Variants in PARN observed in about 807,000 individuals in gnomAD.
The protein encoded by PARN is poly(A)-specific ribonuclease PARN.
A neutral mutation model predicts 102.8 loss-of-function variants in PARN; 71 were observed. The ratio of observed to expected loss-of-function variants is 0.69; its 90% CI spans 0.57 to 0.84. The LOEUF is 0.84. Among genes scored for constraint, PARN ranks in the 40% least tolerant of loss-of-function variants. The probability of loss-of-function intolerance (pLI) is 0.00; values close to 1 mark genes in which losing one functional copy is unlikely to be tolerated. For synonymous variants in PARN, 261 were observed against 252.9 expected (o/e 1.03, Z -0.30); for missense variants, 782 against 760.9 (o/e 1.03, Z -0.33).
At chr16:14,542,999 T>G (rs1750828922) in intron 21 of PARN, among the ~76,000 whole-genome samples, 1 of 152,156 alleles carries the variant, frequency 6.6e-6, no homozygotes, top group South Asian at 2.1e-4. Flanking sequence ...ACAGGACAAT[T>G]GCAAAGAAAG....
At chr16:14,539,083 C>G (rs1337784509) in intron 21 of PARN, among the ~76,000 whole-genome samples, 1 of 152,094 alleles carries the variant, frequency 6.6e-6, no homozygotes, top group Non-Finnish European at 1.5e-5. Flanking sequence ...GTAATAATAA[C>G]CGAAATAAAA....
intron 22 of PARN, among the ~76,000 whole-genome samples, chr16:14,479,535 T>C (rs538511830): frequency 2.0e-4 from 31 of 152,020 alleles, no homozygotes; most frequent in Admixed American, 9.8e-4. Flanking sequence ...CTAAAATTTA[T>C]ATAGAATGCA....
intron 10 of PARN, among the ~76,000 whole-genome samples, chr16:14,605,654 C>T (rs1349545313): frequency 6.6e-6 from 1 of 152,064 alleles, no homozygotes; most frequent in Admixed American, 6.6e-5. Context: ...TATTTTTCTA[C>T]TTTATTTAAT....
At chr16:14,528,191 G>C (rs918654389) in intron 21 of PARN, among the ~76,000 whole-genome samples, 2 of 152,188 alleles carry the variant, frequency 1.3e-5, no homozygotes, top group African/African-American at 4.8e-5. Context: ...TCCTGTGCCT[G>C]TGGAATTCTC....
chr16:14,612,433 C>CA (rs1165456884), intron 6 of PARN, among the ~76,000 whole-genome samples: 11 of 145,154 alleles, frequency 7.6e-5, no homozygotes, highest in African/African-American at 7.6e-5. Context: ...GACACTGTCT[C>CA]AAAAAAAAAT....
At chr16:14,530,460 C>A (rs1263833709) in intron 21 of PARN, among the ~76,000 whole-genome samples, 1 of 151,924 alleles carries the variant, frequency 6.6e-6, no homozygotes, top group African/African-American at 2.4e-5. Flanking sequence ...TTTACCATAA[C>A]CCTCAACAAG....
chr16:14,563,353 T>G (rs1396387613), intron 18 of PARN, among the ~76,000 whole-genome samples: 1 of 152,176 alleles, frequency 6.6e-6, no homozygotes, highest in African/African-American at 2.4e-5. Context: ...GGCAAGCATG[T>G]ACTGACAAGA....
chr16:14,601,299 C>T (rs1287903099), intron 11 of PARN, among the ~76,000 whole-genome samples: 3 of 152,190 alleles, frequency 2.0e-5, no homozygotes, highest in Non-Finnish European at 2.9e-5. Context: ...AATTCTGACA[C>T]ATGCTATAAC....
chr16:14,446,819 C>A, intron 23 of PARN, 69 bp downstream of exon 23: 1 of 1,139,546 alleles, frequency 8.8e-7, no homozygotes, highest in Non-Finnish European at 1.2e-6. Flanking sequence ...ATTTCTCCCC[C>A]AAAATAGGAG....
At chr16:14,601,027 A>G (rs1970836115) in intron 11 of PARN, among the ~76,000 whole-genome samples, 1 of 152,202 alleles carries the variant, frequency 6.6e-6, no homozygotes, top group African/African-American at 2.4e-5. Flanking sequence ...CGTTGATGAA[A>G]ATGTTAAACA....
Position 14,452,922 on chromosome 16 carries a change from C to T in PARN, c.1671-5841G>A, listed in dbSNP as rs891248458. Among the ~76,000 whole-genome samples the T allele has an allele frequency of 2.6e-5, 4 of 152,274 alleles. No individual in the cohort carries two copies. The East Asian group carries it at 7.7e-4, about 29-fold the overall frequency. Reference sequence around the variant, plus strand: ...CCAGATATATGTAACACTGCCTTTACAAATGTGATTCTTTATATATTTGGA... The same window carrying T: ...CCAGATATATGTAACACTGCCTTTATAAATGTGATTCTTTATATATTTGGA... On this transcript the variant is annotated intron_variant, in intron 22 of 23. Transcript: ENST00000437198.
At chr16:14,567,367 T>C (rs554857087) in intron 18 of PARN, among the ~76,000 whole-genome samples, 58 of 152,170 alleles carry the variant, frequency 3.8e-4, no homozygotes, top group Non-Finnish European at 7.6e-4. Flanking sequence ...CAGAAGAGGT[T>C]GAAAATGGAG....
chr16:14,568,213 CCT>C (rs1491429310), intron 18 of PARN, among the ~76,000 whole-genome samples: 1 of 147,476 alleles, frequency 6.8e-6, no homozygotes, highest in Non-Finnish European at 1.5e-5. Flanking sequence ...TTTATTTTTA[CCT>C]TTTTTTTTTT....
chr16:14,463,779 G>T (rs185301624), intron 22 of PARN, among the ~76,000 whole-genome samples: 4 of 147,506 alleles, frequency 2.7e-5, no homozygotes, highest in African/African-American at 1.0e-4. Context: ...AAATGAGAGC[G>T]GGAAAAAGAA....
chr16:14,570,815 CA>C (rs761919651), intron 18 of PARN, among the ~76,000 whole-genome samples: 2,289 of 38,746 alleles, frequency 0.059, 30 homozygotes, highest in African/African-American at 0.16. Flanking sequence ...CCCACCTCTA[CA>C]AAAAAAAAAA....
intron 18 of PARN, among the ~76,000 whole-genome samples, chr16:14,571,310 T>C (rs1432387392): frequency 1.3e-5 from 2 of 150,974 alleles, no homozygotes; most frequent in African/African-American, 2.4e-5. Flanking sequence ...TGAGCCAAGA[T>C]TGCACCACTG....
At chr16:14,437,750 A>G (rs1274406624) in intron 23 of PARN, among the ~76,000 whole-genome samples, 2 of 152,180 alleles carry the variant, frequency 1.3e-5, no homozygotes, top group Non-Finnish European at 2.9e-5. Context: ...TTAGAAAGGG[A>G]GAGAAGTCTT....
At chr16:14,505,112 G>A (rs139996367) in intron 21 of PARN, among the ~76,000 whole-genome samples, 319 of 152,320 alleles carry the variant, frequency 2.1e-3, no homozygotes, top group Non-Finnish European at 4.0e-3. Context: ...ACATATCACT[G>A]TTTAGTATAT....
At chr16:14,452,273 A>C (rs977183380) in intron 22 of PARN, among the ~76,000 whole-genome samples, 1 of 152,230 alleles carries the variant, frequency 6.6e-6, no homozygotes. Flanking sequence ...ACTGCTATGC[A>C]ACAGGGACTC....
Sources: allele counts gnomAD v4.1 joint callset (sites outside exome capture counted in the v4.1 genomes callset), GRCh38; gene constraint gnomAD v4.1.1; transcripts MANE v1.5; gene names NCBI Gene and HGNC (gene_info 2026-07-23, HGNC 2026-07-21).